The following MARCHF1 variants were observed in gnomAD, a reference collection of about 807,000 sequenced individuals.
MARCHF1 encodes membrane associated ring-CH-type finger 1, also known as E3 ubiquitin-protein ligase MARCHF1.
In MARCHF1, 40 loss-of-function variants were observed where a neutral mutation model predicts 54.2. That is an observed-to-expected ratio of 0.74 (90% CI 0.57 to 0.96). The LOEUF is 0.96. Among genes scored for constraint, MARCHF1 ranks in the 40% least tolerant of loss-of-function variants. MARCHF1 has a pLI of 0.00. For synonymous variants in MARCHF1, 236 were observed against 236.3 expected (o/e 1.00, Z 0.01); for missense variants, 586 against 656.5 (o/e 0.89, Z 1.17).
chr4:163,527,287 AAT>A lies in MARCHF1; in HGVS notation c.*1459_*1460del, dbSNP rs1437594273. On this transcript the variant is annotated 3_prime_UTR_variant, in exon 10 of 10. Transcript: ENST00000514618. Reference sequence around the variant, plus strand: ...CTAAACGATTAATTACTTATCACAGAATCTGTTGAATATTTTTGTTTTCTAAC... The same window carrying A: ...CTAAACGATTAATTACTTATCACAGACTGTTGAATATTTTTGTTTTCTAAC... 1 of 151,932 alleles carries A rather than the reference AAT, an allele frequency of 6.6e-6. No homozygotes were observed. The highest frequency in any genetic ancestry group is 1.5e-5 in the Non-Finnish European group (1 of 67,940). The allele number at this position is 151,932 out of a possible 1,614,324, so 9.4% of individuals were successfully genotyped here.
chr4:164,025,356 T>TA (rs1357261877), intron 2 of MARCHF1, among the ~76,000 whole-genome samples: 2 of 151,764 alleles, frequency 1.3e-5, no homozygotes, highest in Non-Finnish European at 2.9e-5. Flanking sequence ...CGAGGATCAA[T>TA]AAATTCAAAA....
intron 1 of MARCHF1, among the ~76,000 whole-genome samples, chr4:164,349,273 T>C (rs977977579): frequency 1.6e-4 from 25 of 152,076 alleles, no homozygotes; most frequent in African/African-American, 5.8e-4. Context: ...TGCTATGAAC[T>C]CCAAGAATGT....
intron 1 of MARCHF1, among the ~76,000 whole-genome samples, chr4:164,231,622 T>C (rs1732415995): frequency 1.3e-5 from 2 of 152,160 alleles, no homozygotes; most frequent in South Asian, 4.1e-4. Flanking sequence ...TATAGACATT[T>C]TGATACGCCA....
intron 2 of MARCHF1, among the ~76,000 whole-genome samples, chr4:164,002,566 G>A (rs1051251719): frequency 6.6e-6 from 1 of 151,556 alleles, no homozygotes; most frequent in South Asian, 2.1e-4. Context: ...GTAACATGTG[G>A]GGAAAATCAA....
At chr4:163,920,986 C>A (rs898281024) in intron 3 of MARCHF1, among the ~76,000 whole-genome samples, 2 of 152,082 alleles carry the variant, frequency 1.3e-5, no homozygotes, top group Admixed American at 1.3e-4. Context: ...ACTTGTAAAG[C>A]TTTAGCAATG....
chr4:164,213,261 T>C (rs1159264745), intron 1 of MARCHF1, among the ~76,000 whole-genome samples: 2 of 149,146 alleles, frequency 1.3e-5, no homozygotes, highest in Non-Finnish European at 3.0e-5. Flanking sequence ...TGAGATGGAG[T>C]CTCACTCTGT....
At chr4:164,070,601 T>C (rs1011457242) in intron 2 of MARCHF1, among the ~76,000 whole-genome samples, 3 of 152,226 alleles carry the variant, frequency 2.0e-5, no homozygotes, top group African/African-American at 7.2e-5. Flanking sequence ...CTCTGAAAAG[T>C]ATCCCAGCTT....
chr4:163,876,648 A>T (rs776400007), intron 3 of MARCHF1, among the ~76,000 whole-genome samples: 14 of 152,162 alleles, frequency 9.2e-5, no homozygotes, highest in Non-Finnish European at 1.8e-4. Flanking sequence ...AGGCATCAGG[A>T]TAGAAGCAAT....
chr4:164,065,509 C>T (rs1301335195), intron 2 of MARCHF1, among the ~76,000 whole-genome samples: 1 of 152,138 alleles, frequency 6.6e-6, no homozygotes, highest in Non-Finnish European at 1.5e-5. Context: ...AGATGACCTA[C>T]AGAATGGAGG....
At chr4:163,654,470 A>AGGCC (rs1399615396) in intron 5 of MARCHF1, among the ~76,000 whole-genome samples, 2 of 151,666 alleles carry the variant, frequency 1.3e-5, no homozygotes, top group African/African-American at 4.8e-5. Flanking sequence ...AACAGGATAG[A>AGGCC]GGCCTCTATT....
intron 1 of MARCHF1, among the ~76,000 whole-genome samples, chr4:164,306,546 C>A (rs141797005): frequency 6.6e-6 from 1 of 152,118 alleles, no homozygotes; most frequent in Non-Finnish European, 1.5e-5. Context: ...TTAGTAGTCA[C>A]GTGAGTTCAG....
At chr4:163,654,215 G>C (rs990109733) in intron 5 of MARCHF1, among the ~76,000 whole-genome samples, 1 of 151,694 alleles carries the variant, frequency 6.6e-6, no homozygotes, top group African/African-American at 2.4e-5. Flanking sequence ...ATTGAAACAT[G>C]ATGGTAGAAA....
chr4:164,320,542 C>T (rs745399487), intron 1 of MARCHF1, among the ~76,000 whole-genome samples: 1 of 152,174 alleles, frequency 6.6e-6, no homozygotes, highest in East Asian at 1.9e-4. Context: ...CATGCTTCCT[C>T]TCTACTGTGT....
Position 164,101,001 on chromosome 4 carries a change from G to A in MARCHF1, c.-248+10587C>T, listed in dbSNP as rs143992395. On this transcript the variant is annotated intron_variant, in intron 2 of 9. Coordinates refer to ENST00000514618, the MANE Select transcript of MARCHF1 (RefSeq NM_001394959.1). Reference sequence around the variant, plus strand: ...TTTCTGAGTCAAAGAAAGGGGTGACGGACTGCACCTGGAAAATCAGGTCAC... The same window carrying A: ...TTTCTGAGTCAAAGAAAGGGGTGACAGACTGCACCTGGAAAATCAGGTCAC... Among the ~76,000 whole-genome samples the A allele has an allele frequency of 4.0e-3, 612 of 152,318 alleles. 7 individuals carry two copies. The highest frequency in any genetic ancestry group is 0.012 in the African/African-American group (494 of 41,572).
intron 4 of MARCHF1, among the ~76,000 whole-genome samples, chr4:163,742,927 G>A (rs1746251072): frequency 7.1e-6 from 1 of 140,462 alleles, no homozygotes; most frequent in Non-Finnish European, 1.6e-5. Flanking sequence ...TTTTAAAGTT[G>A]GGAATAATTT....
At chr4:163,710,703 T>C (rs1170240287) in intron 4 of MARCHF1, among the ~76,000 whole-genome samples, 1 of 152,016 alleles carries the variant, frequency 6.6e-6, no homozygotes, top group African/African-American at 2.4e-5. Context: ...AAAAATAATA[T>C]AGTAAAATGA....
intron 5 of MARCHF1, among the ~76,000 whole-genome samples, chr4:163,644,670 A>G (rs1742685901): frequency 6.6e-6 from 1 of 152,158 alleles, no homozygotes; most frequent in African/African-American, 2.4e-5. Context: ...CAGGCCAGCT[A>G]ACTTAGGTTA....
intron 4 of MARCHF1, among the ~76,000 whole-genome samples, chr4:163,827,116 T>A (rs932198522): frequency 1.3e-5 from 2 of 152,040 alleles, no homozygotes; most frequent in Non-Finnish European, 2.9e-5. Flanking sequence ...AACATCTTAT[T>A]TTTTTGTGTG....
At chr4:163,623,296 T>C (rs556063555) in intron 5 of MARCHF1, among the ~76,000 whole-genome samples, 3 of 152,272 alleles carry the variant, frequency 2.0e-5, no homozygotes, top group Admixed American at 6.5e-5. Flanking sequence ...TCAGGCTTCC[T>C]AGTAAAATGT....
Sources: gnomAD v4.1 joint callset for allele counts (sites outside exome capture counted in the v4.1 genomes callset) on GRCh38, gnomAD v4.1.1 for gene constraint, MANE v1.5 for transcripts, NCBI Gene and HGNC (gene_info 2026-07-23, HGNC 2026-07-21) for gene names.